NBEAL2: variants seen among roughly 807,000 people sequenced by gnomAD.
NBEAL2 encodes the protein neurobeachin like 2, also known as neurobeachin-like protein 2.
Under a neutral mutation model 299.8 loss-of-function variants are expected in NBEAL2, and 160 were observed. The observed-to-expected ratio is 0.53, with a 90% CI of 0.47 to 0.61. The LOEUF (loss-of-function observed/expected upper bound fraction) is 0.61. Ranked by LOEUF, NBEAL2 falls within the 20% of genes least tolerant of loss-of-function variation. NBEAL2 has a pLI of 0.00. For missense variants in NBEAL2, 3,112 were observed against 3,649.0 expected (o/e 0.85, Z 3.79); for synonymous variants, 1,493 against 1,542.3 (o/e 0.97, Z 0.75).
At chr3:46,992,232 G>A (rs1390222637) in intron 9 of NBEAL2, among the ~76,000 whole-genome samples, 3 of 152,144 alleles carry the variant, frequency 2.0e-5, no homozygotes, top group African/African-American at 4.8e-5. Flanking sequence ...TTCCCTTTCC[G>A]TGGCCCCAAG....
rs763220092 is a variant in NBEAL2 at position 46,995,495 on chromosome 3, T to C, written c.1760T>C (p.Met587Thr). 21 of 1,612,786 alleles carry C rather than the reference T, an allele frequency of 1.3e-5. No homozygotes were observed. Among genetic ancestry groups the C allele is most frequent in the Non-Finnish European group, 1.8e-5 (21 of 1,179,902 alleles). The change falls in exon 13 of 54, where the codon ATG (methionine) becomes ACG (threonine). Residue 587 changes from methionine (M) to threonine (T), a missense_variant. Around this residue, in one of 3 missense-constraint regions of NBEAL2, gnomAD observed 2,243 missense variants for 2,538.1 expected, o/e 0.88. Transcript: ENST00000450053. The stretch of plus-strand genomic sequence containing the variant: ...CGCTACTTTGACCTCACGCCCAGCA[T>C]GGCGGGCATCATGGTACCCCCTGTA... Reference protein sequence around the residue: ...ALRYFDLTPSMAGIMVPPVQR... With the variant: ...ALRYFDLTPSTAGIMVPPVQR...
At chr3:47,006,519 A>T in intron 45 of NBEAL2, 70 bp downstream of exon 45, 2 of 1,372,942 alleles carry the variant, frequency 1.5e-6, no homozygotes, top group Non-Finnish European at 2.0e-6. Context: ...CTTACCAACC[A>T]CGTGGGGCAG....
At position 47,008,537 on chromosome 3, in the gene NBEAL2, C is replaced by T. The variant is rs760693031; in HGVS notation, c.7896C>T (p.His2632=). ...TCCTCCAGGTCACCTACTCCTTGCA[C>T]CTGTATTCAGTCAATGGGAAGTTGC... is the stretch of plus-strand genomic sequence containing the variant. The part of the protein sequence containing the change: ...RPGAQVTYSL[H]LYSVNGKLRA... Residue 2632 remains histidine, a synonymous_variant, in exon 52 of 54, where the codon CAC becomes CAT. Coordinates refer to ENST00000450053, the MANE Select transcript of NBEAL2 (RefSeq NM_015175.3). 16 of 1,613,718 alleles carry T rather than the reference C, an allele frequency of 9.9e-6. No individual in the cohort carries two copies. Among genetic ancestry groups the T allele is most frequent in the Non-Finnish European group, 1.4e-5 (16 of 1,179,824 alleles).
chr3:46,999,480 A>C lies in NBEAL2; in HGVS notation c.3703+6A>C. 6.3e-7 allele frequency: 1 copy of C among 1,580,012 alleles called. No homozygotes were observed. The highest frequency in any genetic ancestry group is 8.6e-7 in the Non-Finnish European group (1 of 1,162,688). ...CAAGCTGTTCCTGGGGGCAGGTACA[A>C]CCTGGTTAAGGCCAAGTGGAGGGGG... On this transcript the variant is annotated splice_donor_region_variant and intron_variant, in intron 25 of 53. Transcript: ENST00000450053.
intron 21 of NBEAL2, 94 bp downstream of exon 21, chr3:46,998,320 G>A: frequency 6.5e-7 from 1 of 1,531,306 alleles, no homozygotes. Context: ...GGACTCACCT[G>A]TTAGGAATCC....
intron 48 of NBEAL2, 31 bp from the exon 49 acceptor site, chr3:47,007,785 G>A (rs371275981): frequency 4.5e-5 from 72 of 1,609,464 alleles, no homozygotes; most frequent in East Asian, 1.6e-4. Flanking sequence ...TGACTCCTCC[G>A]TTCTGCCTGT....
intron 10 of NBEAL2, among the ~76,000 whole-genome samples, chr3:46,993,024 G>T (rs1250923985): frequency 6.6e-6 from 1 of 152,186 alleles, no homozygotes; most frequent in Non-Finnish European, 1.5e-5. Context: ...AGGCTGCAGG[G>T]TGTCAGCTGG....
intron 10 of NBEAL2, among the ~76,000 whole-genome samples, chr3:46,993,048 G>A (rs2036222064): frequency 1.3e-5 from 2 of 152,198 alleles, no homozygotes; most frequent in South Asian, 4.1e-4. Context: ...CTTCACAGCG[G>A]GCACCCTTTC....
chr3:47,001,470 G>T lies in NBEAL2; in HGVS notation c.4644+32G>T. 1 of 1,601,780 alleles carries T rather than the reference G, an allele frequency of 6.2e-7. No homozygotes were observed. Among genetic ancestry groups the T allele is most frequent in the South Asian group, 1.1e-5 (1 of 90,094 alleles). On this transcript the variant is annotated intron_variant, in intron 29 of 53. Transcript: ENST00000450053. This position sits in a 1 kb window ranked among gnomAD's most constrained non-coding sequence, Gnocchi z 6.1. Reference sequence around the variant, plus strand: ...CCCCTCAGAGAGGCGTGAGCCACATGAACACTCATGTTCATGCAAGCCTGC... The same window carrying T: ...CCCCTCAGAGAGGCGTGAGCCACATTAACACTCATGTTCATGCAAGCCTGC...
chr3:46,993,782 C>T (rs890251077), intron 10 of NBEAL2, among the ~76,000 whole-genome samples, 155 bp from the exon 11 acceptor site: 1 of 152,158 alleles, frequency 6.6e-6, no homozygotes, highest in South Asian at 2.1e-4. Context: ...GCAGTTGGGG[C>T]AAGGAGTAGA....
intron 21 of NBEAL2, 105 bp downstream of exon 21, chr3:46,998,331 A>G: frequency 6.6e-7 from 1 of 1,523,596 alleles, no homozygotes; most frequent in Non-Finnish European, 8.9e-7. Flanking sequence ...TTAGGAATCC[A>G]GAATGCCATG....
rs775557920 is a variant in NBEAL2 at position 47,006,315 on chromosome 3, C to G, written c.7018-18C>G. On this transcript the variant is annotated intron_variant, in intron 44 of 53. Coordinates refer to ENST00000450053, the MANE Select transcript of NBEAL2 (RefSeq NM_015175.3). ...AGGGATGCCCATGCCATGGTGCTGACCAGCCACTTACCCACAGGAGCCACA... is the reference window on the plus strand; with the variant it reads ...AGGGATGCCCATGCCATGGTGCTGAGCAGCCACTTACCCACAGGAGCCACA... 6.2e-7 allele frequency: 1 copy of G among 1,601,312 alleles called. No homozygotes were observed. Among genetic ancestry groups the G allele is most frequent in the Admixed American group, 1.7e-5 (1 of 57,932 alleles).
Position 46,998,578 on chromosome 3 carries a change from G to A in NBEAL2, c.3221+13G>A. 6.2e-7 allele frequency: 1 copy of A among 1,602,310 alleles called. No homozygotes were observed. The highest frequency in any genetic ancestry group is 8.5e-7 in the Non-Finnish European group (1 of 1,174,704). On this transcript the variant is annotated intron_variant, in intron 22 of 53. Coordinates refer to ENST00000450053, the MANE Select transcript of NBEAL2 (RefSeq NM_015175.3). ...GCACCCACTACAGGTGAGGCCAGTG[G>A]GGCCAGATGGGCCATGGGGGGCTGA...
At position 46,987,963 on chromosome 3, in the gene NBEAL2, C is replaced by T. The variant is rs555363561; in HGVS notation, c.52-706C>T. 2.1e-4 allele frequency: 261 copies of T among 1,269,336 alleles called. 4 individuals carry two copies. In the South Asian group the frequency reaches 2.8e-3, roughly 14 times the overall value. 78.6% of individuals were successfully genotyped at this position (1,269,336 alleles called of 1,614,324 possible). A position where few individuals can be genotyped will look rare whatever the true frequency, so the allele number is the denominator to read the frequency against. On this transcript the variant is annotated intron_variant, in intron 1 of 53. Coordinates refer to ENST00000450053, the MANE Select transcript of NBEAL2 (RefSeq NM_015175.3). ...GACTCTGCGCTTCCTGCCCCAGCCCCGGGGCGGGAGGAGACATTTCCCGTT... is the reference window on the plus strand; with the variant it reads ...GACTCTGCGCTTCCTGCCCCAGCCCTGGGGCGGGAGGAGACATTTCCCGTT...
At chr3:46,998,042 C>G (rs751461044) in intron 20 of NBEAL2, 25 bp from the exon 21 acceptor site, 71 of 1,545,074 alleles carry the variant, frequency 4.6e-5, no homozygotes, top group Non-Finnish European at 1.7e-5. Context: ...CCTGAGCCCT[C>G]ACTCCAGCTC....
intron 20 of NBEAL2, 55 bp downstream of exon 20, chr3:46,997,749 C>G: frequency 1.4e-6 from 2 of 1,433,456 alleles, no homozygotes; most frequent in Non-Finnish European, 1.8e-6. Context: ...CCTGTCTGAC[C>G]GAGGGGACTG....
At position 47,001,650 on chromosome 3, in the gene NBEAL2, C is replaced by G; in HGVS notation, c.4645-39C>G. The stretch of plus-strand genomic sequence containing the variant: ...TCCCTTTCCATGGACTCCTGGCCTC[C>G]CCTGGTGATGTCTGTTGGGAACCTG... On this transcript the variant is annotated intron_variant, in intron 29 of 53. Coordinates refer to ENST00000450053, the MANE Select transcript of NBEAL2 (RefSeq NM_015175.3). This position sits in a 1 kb window ranked among gnomAD's most constrained non-coding sequence, Gnocchi z 6.1. 6.2e-7 allele frequency: 1 copy of G among 1,604,528 alleles called. No homozygotes were observed. Among genetic ancestry groups the G allele is most frequent in the Non-Finnish European group, 8.5e-7 (1 of 1,172,736 alleles).
intron 19 of NBEAL2, 48 bp from the exon 20 acceptor site, chr3:46,997,513 A>C (rs1257082602): frequency 6.3e-7 from 1 of 1,585,352 alleles, no homozygotes; most frequent in Non-Finnish European, 8.6e-7. Context: ...TCTCCTGGCC[A>C]CTGGCAGGCC....
chr3:46,987,428 G>T (rs2035742997), intron 1 of NBEAL2, among the ~76,000 whole-genome samples: 1 of 152,226 alleles, frequency 6.6e-6, no homozygotes, highest in South Asian at 2.1e-4. Context: ...AGCTCCATAT[G>T]GGGCCAGCCT....
Sources: allele counts gnomAD v4.1 joint callset (sites outside exome capture counted in the v4.1 genomes callset), GRCh38; gene constraint gnomAD v4.1.1; regional missense constraint gnomAD v4.1.1; non-coding constraint Gnocchi (gnomAD v3.1); transcripts MANE v1.5; gene names NCBI Gene and HGNC (gene_info 2026-07-23, HGNC 2026-07-21).